CNOT7: variants seen among roughly 807,000 people sequenced by gnomAD.
The protein encoded by CNOT7 is BTG1-binding factor 1.
CNOT7 carries 4 observed loss-of-function variants against 37.1 expected under a neutral mutation model. The observed-to-expected ratio is 0.11, with a 90% CI of 0.05 to 0.25. CNOT7 has a LOEUF of 0.25. Among genes scored for constraint, CNOT7 ranks in the 10% least tolerant of loss-of-function variants. The probability of loss-of-function intolerance (pLI) is 1.00; values close to 1 mark genes in which losing one functional copy is unlikely to be tolerated. For synonymous variants in CNOT7, 128 were observed against 115.6 expected, an observed-to-expected ratio of 1.11 and a Z score of -0.69; for missense variants, 170 against 336.2, an observed-to-expected ratio of 0.51 and a Z score of 3.87.
intron 4 of CNOT7, 97 bp downstream of exon 4, chr8:17,237,115 A>T: frequency 8.2e-7 from 1 of 1,222,868 alleles, no homozygotes; most frequent in Non-Finnish European, 1.2e-6. Context: ...AACTCTTTCC[A>T]GAATTAAACC....
chr8:17,231,448 G>A (rs1808592862), intron 6 of CNOT7: 1 of 847,018 alleles, frequency 1.2e-6, no homozygotes. Context: ...ATTGGAAGGA[G>A]TCCAAAACAA....
rs1253049982 is a variant in CNOT7, at chr8:17,229,397, G to T, written c.*1323C>A. 3 of 152,240 alleles carry T rather than the reference G, an allele frequency of 2.0e-5. No homozygotes were observed. Among genetic ancestry groups the T allele is most frequent in the Non-Finnish European group, 4.4e-5 (3 of 67,812 alleles). 9.4% of individuals were successfully genotyped at this position (152,240 alleles called of 1,614,324 possible). A position where few individuals can be genotyped will look rare whatever the true frequency, so the allele number is the denominator to read the frequency against. On this transcript the variant is annotated 3_prime_UTR_variant, in exon 7 of 7. Transcript: ENST00000361272. ...CAAACCAATGTGACTAACATTTGGA[G>T]ATTTGCTAATATTACTGATTGAAGT...
chr8:17,225,252 T>C lies in CNOT7; in HGVS notation c.*5468A>G, dbSNP rs1225162369. On this transcript the variant is annotated 3_prime_UTR_variant, in exon 7 of 7. Coordinates refer to ENST00000361272, the MANE Select transcript of CNOT7 (RefSeq NM_013354.7). ...TGGTATGATACTAAATAAAGATTCT[T>C]ATCTTTTGGGAGAAAGAGCCAAAAC... 1.3e-5 allele frequency: 2 copies of C among 151,678 alleles called. No individual in the cohort carries two copies. Among genetic ancestry groups the C allele is most frequent in the African/African-American group, 4.8e-5 (2 of 41,406 alleles). The allele number at this position is 151,678 out of a possible 1,614,324, so 9.4% of individuals were successfully genotyped here. A position where few individuals can be genotyped will look rare whatever the true frequency, so the allele number is the denominator to read the frequency against.
Position 17,230,777 on chromosome 8 carries a change from G to C in CNOT7, c.801C>G (p.Ser267=). The change falls in exon 7 of 7, where the codon TCC becomes TCG. Residue 267 remains serine, a synonymous_variant. Coordinates refer to ENST00000361272, the MANE Select transcript of CNOT7 (RefSeq NM_013354.7). ...CATTCCCTGTGCCATTCTGTACATA[G>C]GATGAACCAGAACCAAGGCCATACA... The part of the protein sequence containing the change: ...GHLYGLGSGS[S]YVQNGTGNAY... 2 of 1,610,354 alleles carry C rather than the reference G, an allele frequency of 1.2e-6. No individual in the cohort carries two copies. Among genetic ancestry groups the C allele is most frequent in the Non-Finnish European group, 1.7e-6 (2 of 1,177,484 alleles).
rs945948738 is a variant in CNOT7, at chr8:17,226,511, G to A, written c.*4209C>T. 6.6e-6 allele frequency: 1 copy of A among 151,638 alleles called. No individual in the cohort carries two copies. Among genetic ancestry groups the A allele is most frequent in the African/African-American group, 2.4e-5 (1 of 41,392 alleles). 9.4% of individuals were successfully genotyped at this position (151,638 alleles called of 1,614,324 possible). A position where few individuals can be genotyped will look rare whatever the true frequency, so the allele number is the denominator to read the frequency against. On this transcript the variant is annotated 3_prime_UTR_variant, in exon 7 of 7. Coordinates refer to ENST00000361272, the MANE Select transcript of CNOT7 (RefSeq NM_013354.7). ...CTTTTTGGTATTTGCCCTTTAGCAT[G>A]TCATTCATTCAAGATGATTCATTTC...
chr8:17,230,525 A>C lies in CNOT7; in HGVS notation c.*195T>G, dbSNP rs1808478120. 2.7e-6 allele frequency: 1 copy of C among 374,084 alleles called. No homozygotes were observed. Among genetic ancestry groups the C allele is most frequent in the Non-Finnish European group, 4.8e-6 (1 of 209,088 alleles). 23.2% of individuals were successfully genotyped at this position (374,084 alleles called of 1,614,324 possible). On this transcript the variant is annotated 3_prime_UTR_variant, in exon 7 of 7. Transcript: ENST00000361272. ...TTAAATTAAGGCCAAATTTAACCTG[A>C]ATGCGTTTTTTTTTTTCTTTTTATT...
At chr8:17,234,199 T>G (rs1378644352) in intron 5 of CNOT7, among the ~76,000 whole-genome samples, 1 of 152,222 alleles carries the variant, frequency 6.6e-6, no homozygotes, top group Non-Finnish European at 1.5e-5. Flanking sequence ...AGAAAAATCT[T>G]TTAGCTATAT....
chr8:17,237,484 T>C (rs971143895), intron 3 of CNOT7, 111 bp from the exon 4 acceptor site: 12 of 897,740 alleles, frequency 1.3e-5, no homozygotes, highest in Non-Finnish European at 2.1e-5. Context: ...AGGAATGGCT[T>C]GAGTCCACCT....
At chr8:17,243,734 G>A (rs1329034539) in intron 2 of CNOT7, 5 of 437,854 alleles carry the variant, frequency 1.1e-5, no homozygotes, top group South Asian at 3.2e-5. Flanking sequence ...ACTCTTGTAG[G>A]ATGTTATCAC....
At chr8:17,242,184 AG>A (rs1162649718) in intron 3 of CNOT7, 1 of 152,210 alleles carries the variant, frequency 6.6e-6, no homozygotes, top group Admixed American at 6.5e-5. Context: ...CCACTCAGGT[AG>A]TGGCCCGGGT....
intron 2 of CNOT7, chr8:17,244,586 C>T (rs73200916): frequency 6.5e-6 from 1 of 153,084 alleles, no homozygotes; most frequent in Non-Finnish European, 1.5e-5. Context: ...ACAAAATGAC[C>T]AAGTATCTCC....
chr8:17,234,661 C>T, intron 5 of CNOT7, 55 bp downstream of exon 5: 3 of 1,578,410 alleles, frequency 1.9e-6, no homozygotes, highest in Non-Finnish European at 2.6e-6. Context: ...GCTCGCATGA[C>T]AGTCACTTGG....
chr8:17,233,801 TA>T (rs1278455651), intron 5 of CNOT7, among the ~76,000 whole-genome samples: 1 of 152,196 alleles, frequency 6.6e-6, no homozygotes, highest in African/African-American at 2.4e-5. Context: ...TATCATGTAT[TA>T]AAGGTAAACA....
At chr8:17,243,412 T>C in intron 2 of CNOT7, 1 of 644,516 alleles carries the variant, frequency 1.6e-6, no homozygotes, top group Non-Finnish European at 2.8e-6. Flanking sequence ...CTATACGAGA[T>C]ACATGTGATA....
At chr8:17,243,522 G>C (rs1377988204) in intron 2 of CNOT7, 1 of 483,530 alleles carries the variant, frequency 2.1e-6, no homozygotes, top group Non-Finnish European at 4.1e-6. Context: ...GTATTCCAAT[G>C]CTAAAACCAA....
intron 3 of CNOT7, among the ~76,000 whole-genome samples, chr8:17,240,340 A>T (rs1426140956): frequency 6.7e-6 from 1 of 149,036 alleles, no homozygotes; most frequent in Non-Finnish European, 1.5e-5. Context: ...AACTTTCTTA[A>T]AACATTTTGA....
rs1238187681 is a variant in CNOT7 at position 17,230,410 on chromosome 8, TA to T, written c.*309del. The T allele has an allele frequency of 1.7e-5, 3 of 175,070 alleles. No homozygotes were observed. The highest frequency in any genetic ancestry group is 7.1e-5 in the African/African-American group (3 of 42,296). The allele number at this position is 175,070 out of a possible 1,614,324, so 10.8% of individuals were successfully genotyped here. A position where few individuals can be genotyped will look rare whatever the true frequency, so the allele number is the denominator to read the frequency against. ...TAGTTAATTTAGGAAAAGGGAAAAA[TA>T]AACCAAACTCAAGTCGGTAAAGTTT... On this transcript the variant is annotated 3_prime_UTR_variant, in exon 7 of 7. Coordinates refer to ENST00000361272, the MANE Select transcript of CNOT7 (RefSeq NM_013354.7).
intron 4 of CNOT7, among the ~76,000 whole-genome samples, chr8:17,236,020 T>A (rs936365979): frequency 5.3e-5 from 8 of 152,130 alleles, no homozygotes; most frequent in Admixed American, 3.9e-4. Context: ...CACCTTCATA[T>A]CTAGGGAAGA....
rs1446953551 is a variant in CNOT7, at chr8:17,228,078, C to T, written c.*2642G>A. On this transcript the variant is annotated 3_prime_UTR_variant, in exon 7 of 7. Coordinates refer to ENST00000361272, the MANE Select transcript of CNOT7 (RefSeq NM_013354.7). ...CTGCATTCCAATAAAAACTTATAGA[C>T]ACTAAAATTTGAATTTCATGTAATT... 6.6e-6 allele frequency: 1 copy of T among 151,860 alleles called. No homozygotes were observed. The highest frequency in any genetic ancestry group is 1.5e-5 in the Non-Finnish European group (1 of 67,818). The allele number at this position is 151,860 out of a possible 1,614,324, so 9.4% of individuals were successfully genotyped here.
Sources: allele counts gnomAD v4.1 joint callset (sites outside exome capture counted in the v4.1 genomes callset), GRCh38; gene constraint gnomAD v4.1.1; transcripts MANE v1.5; gene names NCBI Gene and HGNC (gene_info 2026-07-23, HGNC 2026-07-21).